Variants in LZTR1 observed in about 807,000 individuals in gnomAD.
The protein encoded by LZTR1 is leucine-zipper-like transcriptional regulator 1.
A neutral mutation model predicts 105.7 loss-of-function variants in LZTR1; 260 were observed. The observed-to-expected ratio is 2.46, with a 90% CI of 2.22 to 2.72. The LOEUF is 2.72. Ranked by LOEUF, LZTR1 falls within the 30% of genes most tolerant of loss-of-function variation. The pLI is 0.00. For missense variants in LZTR1, 1,214 were observed against 1,166.9 expected (o/e 1.04, Z -0.59); for synonymous variants, 490 against 476.4 (o/e 1.03, Z -0.37).
intron 5 of LZTR1, 99 bp downstream of exon 5, chr22:20,988,217 G>A: frequency 1.4e-6 from 1 of 728,084 alleles, no homozygotes; most frequent in Non-Finnish European, 2.4e-6. Flanking sequence ...GACCCTGAGG[G>A]CACGCAATAG....
intron 9 of LZTR1, 62 bp downstream of exon 9, chr22:20,991,891 C>T: frequency 7.0e-7 from 1 of 1,437,298 alleles, no homozygotes; most frequent in Non-Finnish European, 9.4e-7. Context: ...TACCCTGCTC[C>T]CACCCAGCTC....
Position 20,997,570 on chromosome 22 carries a change from C to A in LZTR1, c.*222C>A, listed in dbSNP as rs989677165. 8 of 507,960 alleles carry A rather than the reference C, an allele frequency of 1.6e-5. No individual in the cohort carries two copies. The highest frequency in any genetic ancestry group is 3.4e-5 in the East Asian group (1 of 29,286). The allele number at this position is 507,960 out of a possible 1,614,324, so 31.5% of individuals were successfully genotyped here. ...ACAGGGAGCGGATGATGAAGCAGAC[C>A]CCCTCCTGTCATCACCCTCTCCTGG... On this transcript the variant is annotated 3_prime_UTR_variant, in exon 21 of 21. Transcript: ENST00000646124.
intron 7 of LZTR1, 70 bp downstream of exon 7, chr22:20,989,752 A>AG (rs1183940009): frequency 4.0e-6 from 4 of 998,586 alleles, no homozygotes; most frequent in Admixed American, 2.2e-5. Context: ...GCGCAGGTGG[A>AG]GGAGGTGAGG....
At chr22:20,997,076 G>T in intron 20 of LZTR1, 110 bp downstream of exon 20, 1 of 1,252,130 alleles carries the variant, frequency 8.0e-7, no homozygotes, top group Non-Finnish European at 1.2e-6. Flanking sequence ...GGCCCTGGGG[G>T]TGAGAGAAGC....
intron 2 of LZTR1, 161 bp downstream of exon 2, chr22:20,983,250 C>G: frequency 1.5e-6 from 1 of 655,720 alleles, no homozygotes; most frequent in Non-Finnish European, 2.8e-6. Flanking sequence ...CCTCCCTGGT[C>G]GTGGTGAGGA....
At position 20,997,776 on chromosome 22, in the gene LZTR1, CTT is replaced by C. The variant is rs564841600; in HGVS notation, c.*429_*430del. ...AACATGCGGGAGGAGGCTTAGCAGA[CTT>C]GCGCTGCACCAGCGAATCTGCCTGG... On this transcript the variant is annotated 3_prime_UTR_variant, in exon 21 of 21. Coordinates refer to ENST00000646124, the MANE Select transcript of LZTR1 (RefSeq NM_006767.4). 285 of 173,930 alleles carry C rather than the reference CTT, an allele frequency of 1.6e-3. 1 individual carries two copies. Among genetic ancestry groups the C allele is most frequent in the African/African-American group, 6.1e-3 (256 of 42,094 alleles). 10.8% of individuals were successfully genotyped at this position (173,930 alleles called of 1,614,324 possible).
chr22:20,997,199 G>A (rs374193053), intron 20 of LZTR1, 33 bp from the exon 21 acceptor site: 1 of 1,436,468 alleles, frequency 7.0e-7, no homozygotes, highest in Non-Finnish European at 9.8e-7. Context: ...GGTGGATCTG[G>A]TCCCATCTCC....
Position 20,989,492 on chromosome 22 carries a change from C to T in LZTR1, c.594-133C>T, listed in dbSNP as rs187558679. ...GGCTGCCACCCCACACAGAAGTTCCCGCCTCATGGCCGCACAAGTCTCCTA... is the reference window on the plus strand; with the variant it reads ...GGCTGCCACCCCACACAGAAGTTCCTGCCTCATGGCCGCACAAGTCTCCTA... On this transcript the variant is annotated intron_variant, in intron 6 of 20. Transcript: ENST00000646124. The T allele has an allele frequency of 7.1e-4, 547 of 774,928 alleles. 2 individuals carry two copies. In the African/African-American group the frequency reaches 8.1e-3, roughly 12 times the overall value. 48.0% of individuals were successfully genotyped at this position (774,928 alleles called of 1,614,324 possible).
At chr22:20,990,350 G>T in intron 7 of LZTR1, 36 bp from the exon 8 acceptor site, 4 of 1,613,498 alleles carry the variant, frequency 2.5e-6, no homozygotes, top group Non-Finnish European at 3.4e-6. Flanking sequence ...AGCGGGCCCT[G>T]TGAGGCCGGG....
Position 20,994,539 on chromosome 22 carries a change from C to CG in LZTR1, c.1616-14dup. 1 of 1,603,876 alleles carries CG rather than the reference C, an allele frequency of 6.2e-7. No individual in the cohort carries two copies. On this transcript the variant is annotated intron_variant, in intron 14 of 20. Transcript: ENST00000646124. ...CTCCCCTCTCCGGCTCCCTGAGATT[C>CG]GGGGGCTCTGGGGCGCAGGCCATGT... is the stretch of plus-strand genomic sequence containing the variant.
intron 16 of LZTR1, chr22:20,995,390 C>T (rs1447806795): frequency 4.9e-6 from 3 of 610,800 alleles, no homozygotes; most frequent in Non-Finnish European, 9.4e-6. Flanking sequence ...CCCCAGCTCT[C>T]CCTGGGGCTT....
intron 11 of LZTR1, 135 bp downstream of exon 11, chr22:20,993,039 G>A (rs1924663254): frequency 3.1e-6 from 2 of 651,532 alleles, no homozygotes; most frequent in Middle Eastern, 2.7e-4. Context: ...AGCCTTGGGA[G>A]GAGCCCTGTG....
rs775735503 is a variant in LZTR1 at position 20,985,859 on chromosome 22, C to T, written c.282C>T (p.Asp94=). 7 of 1,614,070 alleles carry T rather than the reference C, an allele frequency of 4.3e-6. No homozygotes were observed. Among genetic ancestry groups the T allele is most frequent in the Middle Eastern group, 1.6e-4 (1 of 6,084 alleles). ...CTTTCAGGAAGACCATGCTCAATGA[C>T]CTCCTGCGGTTCGATGTGAAAGACT... The part of the protein sequence containing the change: ...GGDNGKTMLN[D]LLRFDVKDCS... Residue 94 remains aspartate, a synonymous_variant, in exon 3 of 21, where the codon GAC becomes GAT. Coordinates refer to ENST00000646124, the MANE Select transcript of LZTR1 (RefSeq NM_006767.4).
intron 16 of LZTR1, 170 bp downstream of exon 16, chr22:20,995,196 C>A: frequency 1.3e-6 from 1 of 763,628 alleles, no homozygotes; most frequent in Non-Finnish European, 2.2e-6. Flanking sequence ...AAGGCAGAAG[C>A]CCCCGACCCA....
rs143868364 is a variant in LZTR1, at chr22:20,992,905, G to T, written c.1260+1G>T. On this transcript the variant is annotated splice_donor_variant, in intron 11 of 20. Coordinates refer to ENST00000646124, the MANE Select transcript of LZTR1 (RefSeq NM_006767.4). LOFTEE classifies it high-confidence loss of function. ...CAGCGGGGAGATGTACAGGTTCCAG[G>T]TGTGGGGCCTGTGGGCCTGTAGAGC... The T allele has an allele frequency of 4.4e-6, 7 of 1,585,694 alleles. No individual in the cohort carries two copies. Among genetic ancestry groups the T allele is most frequent in the African/African-American group, 1.3e-5 (1 of 74,532 alleles).
At chr22:20,982,633 G>T (rs760226510) in intron 1 of LZTR1, 62 bp downstream of exon 1, 1 of 1,540,528 alleles carries the variant, frequency 6.5e-7, no homozygotes. Flanking sequence ...TCCCAGGGCG[G>T]GTCCAGGGGC....
Position 20,982,587 on chromosome 22 carries a change from T to C in LZTR1, c.200+16T>C. The C allele has an allele frequency of 6.2e-7, 1 of 1,609,042 alleles. No homozygotes were observed. The highest frequency in any genetic ancestry group is 1.1e-5 in the South Asian group (1 of 90,072). ...TGGGTGCCCGGTACGGTGGGCTTCA[T>C]GGGGTCCTGAGGACAGGAAGGGCGA... is the stretch of plus-strand genomic sequence containing the variant. On this transcript the variant is annotated intron_variant, in intron 1 of 20. Coordinates refer to ENST00000646124, the MANE Select transcript of LZTR1 (RefSeq NM_006767.4).
intron 3 of LZTR1, among the ~76,000 whole-genome samples, 159 bp from the exon 4 acceptor site, chr22:20,987,345 T>A (rs1339478257): frequency 1.4e-5 from 2 of 148,014 alleles, no homozygotes; most frequent in Non-Finnish European, 3.0e-5. Flanking sequence ...GCCGGGATCG[T>A]GCCACTGCAC....
chr22:20,985,122 G>A (rs545964889), intron 2 of LZTR1, among the ~76,000 whole-genome samples: 26 of 146,218 alleles, frequency 1.8e-4, no homozygotes, highest in African/African-American at 6.0e-4. Context: ...GTTCAGTGGC[G>A]CCATCTTGGC....
Sources: allele counts gnomAD v4.1 joint callset (sites outside exome capture counted in the v4.1 genomes callset), GRCh38; gene constraint gnomAD v4.1.1; transcripts MANE v1.5; gene names NCBI Gene and HGNC (gene_info 2026-07-23, HGNC 2026-07-21).